The following PTPRD variants were observed in gnomAD, a reference collection of about 807,000 sequenced individuals.
PTPRD encodes the protein protein tyrosine phosphatase receptor type D.
In PTPRD, 34 loss-of-function variants were observed where a neutral mutation model predicts 214.5. The ratio of observed to expected loss-of-function variants is 0.16; its 90% confidence interval spans 0.12 to 0.21. PTPRD has a LOEUF of 0.21. Ranked by LOEUF, PTPRD falls within the 10% of genes least tolerant of loss-of-function variation. The probability of loss-of-function intolerance (pLI) is 1.00; values close to 1 mark genes in which losing one functional copy is unlikely to be tolerated. For synonymous variants in PTPRD, 1,128 were observed against 845.7 expected, an observed-to-expected ratio of 1.33 and a Z score of -5.79; for missense variants, 2,545 against 2,398.7, an observed-to-expected ratio of 1.06 and a Z score of -1.27.
chr9:9,066,706 A>G (rs1156979198), intron 10 of PTPRD, among the ~76,000 whole-genome samples: 2 of 152,154 alleles, frequency 1.3e-5, no homozygotes, highest in Non-Finnish European at 2.9e-5. Context: ...AAAAGACAGG[A>G]CCACAAAGGC....
chr9:9,453,761 AAGG>A (rs1490133106), intron 8 of PTPRD, among the ~76,000 whole-genome samples: 2 of 151,746 alleles, frequency 1.3e-5, no homozygotes, highest in Admixed American at 1.3e-4. Context: ...TTTAAGGGAA[AAGG>A]AGGTTTCAAA....
chr9:8,321,236 G>A (rs1467631605), intron 44 of PTPRD, among the ~76,000 whole-genome samples: 1 of 151,588 alleles, frequency 6.6e-6, no homozygotes, highest in Non-Finnish European at 1.5e-5. Flanking sequence ...AGGTACTCCA[G>A]AGTCTATCTT....
chr9:9,968,726 G>C (rs556755640), intron 4 of PTPRD, among the ~76,000 whole-genome samples: 1 of 151,934 alleles, frequency 6.6e-6, no homozygotes, highest in South Asian at 2.1e-4. Flanking sequence ...CTAGGTCACA[G>C]AAACAACAAC....
intron 14 of PTPRD, among the ~76,000 whole-genome samples, chr9:8,599,945 A>G (rs1275410922): frequency 1.3e-5 from 2 of 152,226 alleles, no homozygotes; most frequent in East Asian, 3.9e-4. Context: ...AGAAACCAAA[A>G]ATCAAGTGAG....
intron 10 of PTPRD, among the ~76,000 whole-genome samples, chr9:9,127,819 G>A (rs957846466): frequency 3.9e-5 from 6 of 152,082 alleles, no homozygotes; most frequent in African/African-American, 1.4e-4. Context: ...AAAAAAAGAG[G>A]TGATGCCTAC....
At chr9:8,803,976 G>A (rs1343499495) in intron 11 of PTPRD, among the ~76,000 whole-genome samples, 2 of 151,466 alleles carry the variant, frequency 1.3e-5, no homozygotes, top group South Asian at 2.1e-4. Context: ...CCCCACAGAC[G>A]GAGTCTCGCT....
chr9:8,943,113 CT>C (rs1362985815), intron 11 of PTPRD, among the ~76,000 whole-genome samples: 18 of 151,840 alleles, frequency 1.2e-4, no homozygotes, highest in Non-Finnish European at 2.7e-4. Flanking sequence ...CTATAAAATG[CT>C]GATGCAAGAA....
chr9:9,877,950 G>A (rs1362798047), intron 5 of PTPRD, among the ~76,000 whole-genome samples: 3 of 120,382 alleles, frequency 2.5e-5, no homozygotes, highest in African/African-American at 3.5e-5. Flanking sequence ...TCCAACCTGG[G>A]CAACAATAGC....
At chr9:8,701,980 T>C (rs1237482465) in intron 12 of PTPRD, among the ~76,000 whole-genome samples, 1 of 152,196 alleles carries the variant, frequency 6.6e-6, no homozygotes, top group Admixed American at 6.5e-5. Context: ...ATTTATACTG[T>C]TTAAGTAAAT....
chr9:8,712,775 G>C (rs926710147), intron 12 of PTPRD, among the ~76,000 whole-genome samples: 2 of 152,176 alleles, frequency 1.3e-5, no homozygotes, highest in Non-Finnish European at 2.9e-5. Context: ...CTGGAGTGCA[G>C]TGGCACGATC....
At chr9:9,925,809 T>A (rs2084086365) in intron 5 of PTPRD, among the ~76,000 whole-genome samples, 1 of 152,058 alleles carries the variant, frequency 6.6e-6, no homozygotes, top group South Asian at 2.1e-4. Flanking sequence ...GAATCTCAAA[T>A]CTATATACTA....
intron 10 of PTPRD, among the ~76,000 whole-genome samples, chr9:9,164,448 C>T: frequency 6.6e-6 from 1 of 152,138 alleles, no homozygotes. Flanking sequence ...ATCACGATAT[C>T]TTTAACTTAA....
intron 2 of PTPRD, among the ~76,000 whole-genome samples, chr9:10,559,559 A>C (rs578209379): frequency 6.6e-6 from 1 of 152,066 alleles, no homozygotes; most frequent in Non-Finnish European, 1.5e-5. Flanking sequence ...AGTACAAATG[A>C]GATCTAATTA....
chr9:10,096,648 C>G (rs1300019216), intron 3 of PTPRD, among the ~76,000 whole-genome samples: 3 of 151,908 alleles, frequency 2.0e-5, no homozygotes, highest in Non-Finnish European at 4.4e-5. Flanking sequence ...AGCCCTTTGT[C>G]AGATGAGTAG....
At chr9:9,735,578 C>T (rs1252121992) in intron 6 of PTPRD, among the ~76,000 whole-genome samples, 1 of 152,046 alleles carries the variant, frequency 6.6e-6, no homozygotes, top group Non-Finnish European at 1.5e-5. Flanking sequence ...CTCCATAATG[C>T]TGGACCACTA....
intron 7 of PTPRD, among the ~76,000 whole-genome samples, chr9:9,651,523 C>T (rs1466819230): frequency 1.3e-5 from 2 of 152,100 alleles, no homozygotes; most frequent in Non-Finnish European, 1.5e-5. Flanking sequence ...TGTTAGTTTG[C>T]TAAGGATAAT....
chr9:10,497,284 C>T (rs1353779768), intron 2 of PTPRD, among the ~76,000 whole-genome samples: 1 of 151,932 alleles, frequency 6.6e-6, no homozygotes, highest in Admixed American at 6.6e-5. Flanking sequence ...ACCTGTATCC[C>T]TGTATCTAAA....
At chr9:9,109,531 G>C (rs1203971317) in intron 10 of PTPRD, among the ~76,000 whole-genome samples, 1 of 152,124 alleles carries the variant, frequency 6.6e-6, no homozygotes, top group Non-Finnish European at 1.5e-5. Flanking sequence ...TTAGTGGCAA[G>C]CATCAACGAA....
At chr9:9,407,063 A>G (rs927452759) in intron 8 of PTPRD, among the ~76,000 whole-genome samples, 4 of 151,804 alleles carry the variant, frequency 2.6e-5, no homozygotes, top group Non-Finnish European at 4.4e-5. Context: ...CTTATTTCAT[A>G]AAATACTGTT....
Sources: gnomAD v4.1 joint callset for allele counts (sites outside exome capture counted in the v4.1 genomes callset) on GRCh38, gnomAD v4.1.1 for gene constraint, MANE v1.5 for transcripts, NCBI Gene and HGNC (gene_info 2026-07-23, HGNC 2026-07-21) for gene names.